OSBPL10: variants seen among roughly 807,000 people sequenced by gnomAD.
The protein encoded by OSBPL10 is oxysterol-binding protein-related protein 10.
In OSBPL10, 49 loss-of-function variants were observed where a neutral mutation model predicts 81.7. The ratio of observed to expected loss-of-function variants is 0.60; its 90% CI spans 0.48 to 0.76. OSBPL10 has a LOEUF of 0.76. OSBPL10 is among the 30% of genes least tolerant of loss of function. OSBPL10 has a pLI of 0.00. For missense variants in OSBPL10, 923 were observed against 987.8 expected, an observed-to-expected ratio of 0.93 and a Z score of 0.88; for synonymous variants, 419 against 383.6, an observed-to-expected ratio of 1.09 and a Z score of -1.08.
At chr3:31,969,307 G>A (rs1189714465) in intron 1 of OSBPL10, 1 of 152,678 alleles carries the variant, frequency 6.5e-6, no homozygotes, top group Non-Finnish European at 1.5e-5. Context: ...CTCAGGCAGA[G>A]AAAGGACAGG....
At chr3:31,667,698 G>A (rs1375891691) in intron 10 of OSBPL10, among the ~76,000 whole-genome samples, 4 of 152,192 alleles carry the variant, frequency 2.6e-5, no homozygotes, top group African/African-American at 4.8e-5. Flanking sequence ...AGGCCATATG[G>A]TCTTGGTTGC....
At chr3:31,825,798 A>C (rs922735526) in intron 4 of OSBPL10, among the ~76,000 whole-genome samples, 2 of 152,184 alleles carry the variant, frequency 1.3e-5, no homozygotes, top group Non-Finnish European at 2.9e-5. Flanking sequence ...TCTATTTCTA[A>C]AACTTCGTTT....
intron 7 of OSBPL10, among the ~76,000 whole-genome samples, chr3:31,696,962 T>C (rs1235067148): frequency 6.6e-6 from 1 of 152,246 alleles, no homozygotes; most frequent in Non-Finnish European, 1.5e-5. Flanking sequence ...TGTTCTTCCC[T>C]AGTCTCCTCC....
In OSBPL10 at chr3:31,690,490, A is replaced by G. The variant is rs910533326; in HGVS notation, c.1246-6376T>C. On this transcript the variant is annotated intron_variant, in intron 7 of 11. Transcript: ENST00000396556. The stretch of plus-strand genomic sequence containing the variant: ...TGCTACTCTTGCAACTTTACTGTAG[A>G]TTGGAAAATGTTCAAAATAAAAAAG... Among the ~76,000 whole-genome samples the G allele has an allele frequency of 5.9e-5, 9 of 152,352 alleles. 1 individual carries two copies. The South Asian group carries it at 6.2e-4, about 11-fold the overall frequency.
At chr3:31,958,943 C>T (rs1479203605) in intron 1 of OSBPL10, among the ~76,000 whole-genome samples, 1 of 152,162 alleles carries the variant, frequency 6.6e-6, no homozygotes, top group African/African-American at 2.4e-5. Flanking sequence ...AGAGTAAGCA[C>T]TCCAGCACAT....
At chr3:31,992,230 G>T (rs72854150) in intron 2 of OSBPL10, among the ~76,000 whole-genome samples, 19 of 151,810 alleles carry the variant, frequency 1.3e-4, no homozygotes, top group Admixed American at 2.6e-4. Flanking sequence ...AAATAATCTA[G>T]AAATAGTTTC....
intron 1 of OSBPL10, among the ~76,000 whole-genome samples, chr3:31,950,233 T>C (rs1196205598): frequency 2.0e-5 from 3 of 152,136 alleles, no homozygotes; most frequent in African/African-American, 4.8e-5. Context: ...AGGATAAGTA[T>C]GCAGAATATA....
At chr3:31,878,383 T>C (rs941436102) in intron 2 of OSBPL10, among the ~76,000 whole-genome samples, 1 of 152,218 alleles carries the variant, frequency 6.6e-6, no homozygotes, top group African/African-American at 2.4e-5. Context: ...CCAAGGACCA[T>C]ATAAATCTAG....
chr3:31,705,938 T>G (rs951267034), intron 6 of OSBPL10, among the ~76,000 whole-genome samples: 1 of 151,132 alleles, frequency 6.6e-6, no homozygotes, highest in Non-Finnish European at 1.5e-5. Context: ...AGATCCCCCA[T>G]CCCCCAGAGA....
At chr3:31,941,747 G>C (rs1278433922) in intron 1 of OSBPL10, among the ~76,000 whole-genome samples, 1 of 152,198 alleles carries the variant, frequency 6.6e-6, no homozygotes, top group Non-Finnish European at 1.5e-5. Context: ...ATGGACTAGT[G>C]TTAAATTGCA....
In OSBPL10 at chr3:31,769,463, A is replaced by AC. The variant is rs1469407594; in HGVS notation, c.730-21344_730-21343insG. 5.0e-5 allele frequency among the ~76,000 whole-genome samples: 5 copies of AC among 100,254 alleles called. 2 individuals are homozygous for AC. The highest frequency in any genetic ancestry group is 7.0e-5 in the African/African-American group (2 of 28,518). 65.8% of individuals were successfully genotyped at this position (100,254 alleles called of 152,430 possible). Reference sequence around the variant, plus strand: ...TCCATCTCAAAAAAAAAAAAACAAAAAAAAAACAAAAAAAAACAGAATAAA... The same window carrying AC: ...TCCATCTCAAAAAAAAAAAAACAAAACAAAAAACAAAAAAAAACAGAATAAA... On this transcript the variant is annotated intron_variant, in intron 4 of 11. Transcript: ENST00000396556.
Position 31,711,569 on chromosome 3 carries a change from G to C in OSBPL10, c.1096-9061C>G, listed in dbSNP as rs974377885. Reference sequence around the variant, plus strand: ...ACCAAAAAGAAAGCATGGGAAACTTGAGTGTGCAAGGACAAAATCTAGATT... The same window carrying C: ...ACCAAAAAGAAAGCATGGGAAACTTCAGTGTGCAAGGACAAAATCTAGATT... On this transcript the variant is annotated intron_variant, in intron 6 of 11. Coordinates refer to ENST00000396556, the MANE Select transcript of OSBPL10 (RefSeq NM_017784.5). Among the ~76,000 whole-genome samples the C allele has an allele frequency of 1.4e-4, 22 of 152,188 alleles. No individual in the cohort carries two copies. The South Asian group carries it at 1.5e-3, about 10-fold the overall frequency.
Position 31,668,634 on chromosome 3 carries a change from G to A in OSBPL10, c.2096+8C>T. 2 of 1,607,874 alleles carry A rather than the reference G, an allele frequency of 1.2e-6. No individual in the cohort carries two copies. Among genetic ancestry groups the A allele is most frequent in the South Asian group, 1.1e-5 (1 of 89,900 alleles). On this transcript the variant is annotated splice_region_variant and intron_variant, in intron 10 of 11. Transcript: ENST00000396556. ...AAGCTGGAGAGGAAGACACAGCCCG[G>A]TTCTCACCTGGACTCCATGGGTCCC...
chr3:32,014,219 C>T (rs1295573184), intron 2 of OSBPL10, among the ~76,000 whole-genome samples: 1 of 152,138 alleles, frequency 6.6e-6, no homozygotes, highest in Admixed American at 6.5e-5. Context: ...AAACTGAATC[C>T]AGCAGCACAT....
chr3:31,908,653 T>A (rs1696488441), intron 1 of OSBPL10, among the ~76,000 whole-genome samples: 1 of 152,198 alleles, frequency 6.6e-6, no homozygotes, highest in East Asian at 1.9e-4. Context: ...CATCATTGAC[T>A]TTGGTTTCCT....
At chr3:31,835,987 T>C (rs1700351443) in intron 3 of OSBPL10, among the ~76,000 whole-genome samples, 1 of 152,220 alleles carries the variant, frequency 6.6e-6, no homozygotes, top group African/African-American at 2.4e-5. Context: ...AATTGCTTCA[T>C]ATTGACCTCC....
At chr3:32,023,736 C>T (rs913854418) in intron 2 of OSBPL10, among the ~76,000 whole-genome samples, 2 of 152,158 alleles carry the variant, frequency 1.3e-5, no homozygotes, top group Admixed American at 6.6e-5. Context: ...TTCTTCTCAT[C>T]GGCAAGGGAT....
At chr3:31,816,585 C>T (rs1699839602) in intron 4 of OSBPL10, among the ~76,000 whole-genome samples, 1 of 152,194 alleles carries the variant, frequency 6.6e-6, no homozygotes, top group Non-Finnish European at 1.5e-5. Context: ...TAATCTGGGC[C>T]AGGCACAGTA....
rs200269865 is a variant in OSBPL10, at chr3:31,683,621, C to T, written c.1726+13G>A. 8.4e-5 allele frequency: 134 copies of T among 1,602,264 alleles called. No individual in the cohort carries two copies. Among genetic ancestry groups the T allele is most frequent in the African/African-American group, 7.1e-4 (53 of 74,858 alleles). ...TGTGTAAGAGCCAAACTCCAACATA[C>T]GACATGGCTTACCTTCCCCTATCAT... On this transcript the variant is annotated intron_variant, in intron 8 of 11. Transcript: ENST00000396556.
Sources: allele counts gnomAD v4.1 joint callset (sites outside exome capture counted in the v4.1 genomes callset), GRCh38; gene constraint gnomAD v4.1.1; transcripts MANE v1.5; gene names NCBI Gene and HGNC (gene_info 2026-07-23, HGNC 2026-07-21).